Variants in HTRA3 observed in about 807,000 individuals in gnomAD.
HTRA3 encodes the protein serine protease HTRA3.
HTRA3 carries 41 observed loss-of-function variants against 43.2 expected under a neutral mutation model. The ratio of observed to expected loss-of-function variants is 0.95; its 90% confidence interval spans 0.74 to 1.23. The LOEUF (loss-of-function observed/expected upper bound fraction) is 1.23. HTRA3 is among the 50% of genes most tolerant of loss of function. The pLI, the probability that HTRA3 is intolerant of heterozygous loss-of-function variation, is 0.00. For synonymous variants in HTRA3, 295 were observed against 287.9 expected (o/e 1.02, Z -0.25); for missense variants, 628 against 647.1 (o/e 0.97, Z 0.32).
intron 5 of HTRA3, among the ~76,000 whole-genome samples, chr4:8,293,684 C>G (rs1713330639): frequency 6.6e-6 from 1 of 152,202 alleles, no homozygotes. Context: ...ACCTGCCAGC[C>G]CCCCACTTCT....
intron 5 of HTRA3, among the ~76,000 whole-genome samples, chr4:8,292,979 A>G (rs1713305582): frequency 6.6e-6 from 1 of 152,130 alleles, no homozygotes; most frequent in African/African-American, 2.4e-5. Flanking sequence ...TGGAGGTGAG[A>G]GCATTATACA....
chr4:8,270,385 G>A (rs1437330510), intron 1 of HTRA3, 32 bp downstream of exon 1: 48 of 1,375,554 alleles, frequency 3.5e-5, no homozygotes, highest in Non-Finnish European at 4.3e-5. Context: ...AGGAAGTGAA[G>A]CTTCTTTCTC....
chr4:8,292,639 G>C (rs1713295158), intron 5 of HTRA3, among the ~76,000 whole-genome samples: 1 of 152,200 alleles, frequency 6.6e-6, no homozygotes, highest in South Asian at 2.1e-4. Flanking sequence ...ACGCAGGTGT[G>C]GGGCTGCTCA....
At chr4:8,283,004 C>T (rs1276561786) in intron 2 of HTRA3, among the ~76,000 whole-genome samples, 1 of 152,118 alleles carries the variant, frequency 6.6e-6, no homozygotes, top group Non-Finnish European at 1.5e-5. Flanking sequence ...GAAGTAGGCA[C>T]CCCGGGAGCT....
chr4:8,303,119 C>A (rs1713721590), intron 7 of HTRA3, among the ~76,000 whole-genome samples: 1 of 152,232 alleles, frequency 6.6e-6, no homozygotes, highest in African/African-American at 2.4e-5. Flanking sequence ...AACAAGGTCA[C>A]ATTCTGAGGC....
At chr4:8,289,075 A>T (rs1351144195) in intron 3 of HTRA3, among the ~76,000 whole-genome samples, 3 of 150,894 alleles carry the variant, frequency 2.0e-5, no homozygotes, top group African/African-American at 7.3e-5. Flanking sequence ...TTGGCCTTCC[A>T]TATAGCTAGG....
At position 8,279,124 on chromosome 4, in the gene HTRA3, G is replaced by A. The variant is rs1712643125; in HGVS notation, c.386-3313G>A. Reference sequence around the variant, plus strand: ...GTCCCAAAGGAGCCTGGGGTGTGGGGTGGGCACGTGCGGGCTTCTCTTTGG... The same window carrying A: ...GTCCCAAAGGAGCCTGGGGTGTGGGATGGGCACGTGCGGGCTTCTCTTTGG... On this transcript the variant is annotated intron_variant, in intron 1 of 8. Coordinates refer to ENST00000307358, the MANE Select transcript of HTRA3 (RefSeq NM_053044.5). This position sits in a 1 kb window ranked among gnomAD's most constrained non-coding sequence, Gnocchi z 7.4. 6.6e-6 allele frequency among the ~76,000 whole-genome samples: 1 copy of A among 152,174 alleles called. No homozygotes were observed. Among genetic ancestry groups the A allele is most frequent in the East Asian group, 1.9e-4 (1 of 5,180 alleles).
chr4:8,287,166 G>A (rs903826123), intron 3 of HTRA3, among the ~76,000 whole-genome samples: 2 of 152,202 alleles, frequency 1.3e-5, no homozygotes, highest in African/African-American at 2.4e-5. Flanking sequence ...GGGGGCTGCC[G>A]TGGGGAACAC....
At chr4:8,288,118 AGAG>A (rs1713068162) in intron 3 of HTRA3, among the ~76,000 whole-genome samples, 2 of 152,160 alleles carry the variant, frequency 1.3e-5, no homozygotes, top group South Asian at 2.1e-4. Flanking sequence ...CCATCAAGGG[AGAG>A]GAGATTTAAT....
At chr4:8,293,025 A>G (rs1052361028) in intron 5 of HTRA3, among the ~76,000 whole-genome samples, 3 of 152,170 alleles carry the variant, frequency 2.0e-5, no homozygotes, top group African/African-American at 7.2e-5. Flanking sequence ...GGGTACAGGA[A>G]GAAGAAATCC....
chr4:8,282,133 C>T (rs1712772643), intron 1 of HTRA3, among the ~76,000 whole-genome samples: 1 of 152,210 alleles, frequency 6.6e-6, no homozygotes, highest in African/African-American at 2.4e-5. Context: ...ACGGCAATAT[C>T]CTAACCTCTC....
In HTRA3 at chr4:8,300,290, G is replaced by A. The variant is rs539093297; in HGVS notation, c.1052-2173G>A. On this transcript the variant is annotated intron_variant, in intron 6 of 8. Transcript: ENST00000307358. The stretch of plus-strand genomic sequence containing the variant: ...AGCCACTCATTTTCAGTTTTCTGGA[G>A]GAGTTTGTATAGAATTAGTACTATT... 9.2e-4 allele frequency among the ~76,000 whole-genome samples: 140 copies of A among 152,326 alleles called. 1 individual carries two copies. Among genetic ancestry groups the A allele is most frequent in the African/African-American group, 3.2e-3 (135 of 41,578 alleles).
At chr4:8,284,244 C>T (rs1469498294) in intron 2 of HTRA3, among the ~76,000 whole-genome samples, 1 of 152,192 alleles carries the variant, frequency 6.6e-6, no homozygotes, top group Non-Finnish European at 1.5e-5. Context: ...TCCCTCGAGC[C>T]CCGGGCCCTG....
chr4:8,276,316 G>A (rs1220866287), intron 1 of HTRA3, among the ~76,000 whole-genome samples: 2 of 152,262 alleles, frequency 1.3e-5, no homozygotes, highest in African/African-American at 2.4e-5. Context: ...TGGTCACTGG[G>A]CAAATGAGAT....
chr4:8,302,580 G>A (rs1314617895), intron 7 of HTRA3, 69 bp downstream of exon 7: 1 of 1,502,606 alleles, frequency 6.7e-7, no homozygotes, highest in Non-Finnish European at 9.3e-7. Context: ...CCTCCCTCCA[G>A]ACCCTGGCTG....
intron 1 of HTRA3, among the ~76,000 whole-genome samples, chr4:8,280,281 A>G (rs1160340808): frequency 2.0e-5 from 3 of 152,160 alleles, no homozygotes; most frequent in African/African-American, 7.2e-5. Context: ...ACAGGGGAGC[A>G]GCAGACCGGC....
rs1012872512 is a variant in HTRA3 at position 8,286,698 on chromosome 4, A to C, written c.623A>C (p.Gln208Pro). ...AAPGRQQLKV[Q>P]LQNGDSYEAT... is the part of the protein sequence containing the mutation. ...CCGGGCAGGCAGCAGCTCAAGGTGCAGCTACAGAATGGGGACTCCTATGAG... is the reference window on the plus strand; with the variant it reads ...CCGGGCAGGCAGCAGCTCAAGGTGCCGCTACAGAATGGGGACTCCTATGAG... Residue 208 changes from glutamine to proline, a missense_variant, in exon 3 of 9, where the codon CAG becomes CCG. Coordinates refer to ENST00000307358, the MANE Select transcript of HTRA3 (RefSeq NM_053044.5). This position sits in a 1 kb window ranked among gnomAD's most constrained non-coding sequence, Gnocchi z 4.9. 1 of 1,614,038 alleles carries C rather than the reference A, an allele frequency of 6.2e-7. No homozygotes were observed. Among genetic ancestry groups the C allele is most frequent in the Non-Finnish European group, 8.5e-7 (1 of 1,180,000 alleles).
chr4:8,300,462 T>C (rs1560143246), intron 6 of HTRA3, among the ~76,000 whole-genome samples: 1 of 152,200 alleles, frequency 6.6e-6, no homozygotes, highest in Non-Finnish European at 1.5e-5. Flanking sequence ...GATTTGGTGG[T>C]TTGGAAATTT....
chr4:8,306,336 CG>C lies in HTRA3; in HGVS notation c.*204del. On this transcript the variant is annotated 3_prime_UTR_variant, in exon 9 of 9. Transcript: ENST00000307358. This position sits in a 1 kb window ranked among gnomAD's most constrained non-coding sequence, Gnocchi z 8.9. ...GAGTGTTGGATCCACATCCCGGTGCCGGGGAGGGAAGCCCAACATCCCCTTG... is the reference window on the plus strand; with the variant it reads ...GAGTGTTGGATCCACATCCCGGTGCCGGGAGGGAAGCCCAACATCCCCTTG... 3.6e-6 allele frequency: 2 copies of C among 559,586 alleles called. No individual in the cohort carries two copies. The highest frequency in any genetic ancestry group is 2.4e-5 in the South Asian group (1 of 41,032). The allele number at this position is 559,586 out of a possible 1,614,324, so 34.7% of individuals were successfully genotyped here.
Sources: allele counts gnomAD v4.1 joint callset (sites outside exome capture counted in the v4.1 genomes callset), GRCh38; gene constraint gnomAD v4.1.1; non-coding constraint Gnocchi (gnomAD v3.1); transcripts MANE v1.5; gene names NCBI Gene and HGNC (gene_info 2026-07-23, HGNC 2026-07-21).